ADGRE3: variants seen among roughly 807,000 people sequenced by gnomAD.
The protein encoded by ADGRE3 is adhesion G protein-coupled receptor E3.
ADGRE3 carries 88 observed loss-of-function variants against 80.1 expected under a neutral mutation model. That is an observed-to-expected ratio of 1.10 (90% CI 0.93 to 1.31). The LOEUF (loss-of-function observed/expected upper bound fraction) is 1.31, where lower values mean the gene tolerates loss of function less well. ADGRE3 is among the 40% of genes most tolerant of loss of function. ADGRE3 has a pLI of 0.00. For missense variants in ADGRE3, 715 were observed against 776.5 expected, an observed-to-expected ratio of 0.92 and a Z score of 0.94; for synonymous variants, 281 against 294.8, an observed-to-expected ratio of 0.95 and a Z score of 0.48.
chr19:14,668,609 A>C lies in ADGRE3; in HGVS notation c.76+193T>G, dbSNP rs1599655998. The C allele has an allele frequency of 1.6e-5, 9 of 547,278 alleles. No individual in the cohort carries two copies. The East Asian group carries it at 2.6e-4, about 16-fold the overall frequency. 33.9% of individuals were successfully genotyped at this position (547,278 alleles called of 1,614,324 possible). A position where few individuals can be genotyped will look rare whatever the true frequency, so the allele number is the denominator to read the frequency against. On this transcript the variant is annotated intron_variant, in intron 2 of 15. Coordinates refer to ENST00000253673, the MANE Select transcript of ADGRE3 (RefSeq NM_032571.5). Reference sequence around the variant, plus strand: ...AAAACAGACAAATTAAAAATCAAACAAAACGATAAATAAAAGGCTATCCAT... The same window carrying C: ...AAAACAGACAAATTAAAAATCAAACCAAACGATAAATAAAAGGCTATCCAT...
chr19:14,600,182 C>T, the ADGRE3 span: 43 of 1,613,836 alleles, frequency 2.7e-5, no homozygotes, highest in Non-Finnish European at 3.1e-5. Flanking sequence ...TTGCTGAGCA[C>T]GTGAGTTCTT....
chr19:14,628,690 CA>C, intron 14 of ADGRE3: 12 of 387,356 alleles, frequency 3.1e-5, no homozygotes, highest in East Asian at 8.7e-5. Context: ...ATGTGAGTTG[CA>C]AAAACTGCAA....
rs113091532 is a variant in ADGRE3, at chr19:14,628,625, G to C, written c.1812+1414C>G. 1,273 of 285,898 alleles carry C rather than the reference G, an allele frequency of 4.5e-3. 10 individuals carry two copies. The highest frequency in any genetic ancestry group is 7.1e-3 in the Non-Finnish European group (1,042 of 145,900). 17.7% of individuals were successfully genotyped at this position (285,898 alleles called of 1,614,324 possible). A position where few individuals can be genotyped will look rare whatever the true frequency, so the allele number is the denominator to read the frequency against. On this transcript the variant is annotated intron_variant, in intron 14 of 15. Coordinates refer to ENST00000253673, the MANE Select transcript of ADGRE3 (RefSeq NM_032571.5). ...TTCTCTTTAACGAGGCAGTTAACCTGCAGTACAGTGAAGTTCAAGACCTCA... is the reference window on the plus strand; with the variant it reads ...TTCTCTTTAACGAGGCAGTTAACCTCCAGTACAGTGAAGTTCAAGACCTCA...
At chr19:14,607,483 G>A in the ADGRE3 span, among the ~76,000 whole-genome samples, 716 of 151,828 alleles carry the variant, frequency 4.7e-3, 5 homozygotes, top group African/African-American at 0.015. Context: ...GATTACAGGC[G>A]TGAGCCACCG....
chr19:14,660,000 T>C, intron 4 of ADGRE3, among the ~76,000 whole-genome samples: 1 of 152,084 alleles, frequency 6.6e-6, no homozygotes, highest in South Asian at 2.1e-4. Context: ...TCTTAAGAGT[T>C]CAAGAACTTT....
chr19:14,618,331 T>C (rs1042164566), downstream of ADGRE3, among the ~76,000 whole-genome samples: 1 of 151,902 alleles, frequency 6.6e-6, no homozygotes, highest in East Asian at 1.9e-4. Flanking sequence ...GGCAGGTGGA[T>C]CGCTGCTTGA....
rs1212222350 is a variant in ADGRE3, at chr19:14,624,334, TCTGC to T, written c.1920+1154_1920+1157del. 7.8e-3 allele frequency among the ~76,000 whole-genome samples: 1,187 copies of T among 152,318 alleles called. 16 individuals are homozygous for T. Among genetic ancestry groups the T allele is most frequent in the African/African-American group, 0.028 (1,152 of 41,580 alleles). ...GTCTCGAACTCCCAACCTCAGGTGA[TCTGC>T]CCACCTCGGCCTCCCAAAGTGTTGG... On this transcript the variant is annotated intron_variant, in intron 15 of 15. Transcript: ENST00000253673.
At chr19:14,620,566 ATATTTTTTTTTTTTTTTTTT>A (rs1970570509) in intron 15 of ADGRE3, among the ~76,000 whole-genome samples, 5 of 16,052 alleles carry the variant, frequency 3.1e-4, no homozygotes, top group East Asian at 3.9e-3. Context: ...ATATATATAT[ATATTTTTTTTTTTTTTTTTT>A]TTTTTTTTTT....
Position 14,668,820 on chromosome 19 carries a change from CA to C in ADGRE3, c.57del (p.Val20Ter), listed in dbSNP as rs1972175188. 1.2e-6 allele frequency: 2 copies of C among 1,613,924 alleles called. No individual in the cohort carries two copies. Among genetic ancestry groups the C allele is most frequent in the African/African-American group, 1.3e-5 (1 of 74,860 alleles). On this transcript the variant is annotated frameshift_variant, in exon 2 of 16. Transcript: ENST00000253673. LOFTEE classifies it high-confidence loss of function. ...GLCFLLSLFG[A>X]VTQKTKTSCA... is the part of the protein sequence containing the mutation. ...CACTCACTTTTGGTTTTCTGAGTCA[CA>C]GCTCCAAAGAGGCTCAGCAGAAAGC...
chr19:14,655,572 C>T (rs1971731963), intron 5 of ADGRE3, among the ~76,000 whole-genome samples: 1 of 152,038 alleles, frequency 6.6e-6, no homozygotes, highest in Non-Finnish European at 1.5e-5. Flanking sequence ...TCTCATGCTT[C>T]AGTCTCCTGA....
chr19:14,651,023 C>G, intron 7 of ADGRE3, 62 bp downstream of exon 7: 3 of 1,599,880 alleles, frequency 1.9e-6, no homozygotes, highest in South Asian at 1.1e-5. Context: ...GCTTGTTTCC[C>G]CATGACTCAC....
intron 4 of ADGRE3, among the ~76,000 whole-genome samples, chr19:14,659,737 C>G (rs1174143819): frequency 1.4e-5 from 2 of 139,150 alleles, no homozygotes; most frequent in Non-Finnish European, 3.0e-5. Flanking sequence ...AGGAGAATCT[C>G]TTGAACCTAG....
chr19:14,628,773 TG>T, intron 14 of ADGRE3: 1 of 296,848 alleles, frequency 3.4e-6, no homozygotes, highest in South Asian at 3.3e-5. Flanking sequence ...TGTGTGATCC[TG>T]GAATGTGACC....
chr19:14,662,111 A>G lies in ADGRE3; in HGVS notation c.207T>C (p.Asn69=), dbSNP rs1319243148. ...TFPLETCNDI[N]ECTPPYSVYC... ...ATACACTATAGGGTGGTGTACATTC[A>G]TTAATGTCTGGAACACAAAGAAGCA... Residue 69 remains asparagine, a synonymous_variant, in exon 4 of 16, where the codon AAT becomes AAC. Transcript: ENST00000253673. 9 of 1,613,850 alleles carry G rather than the reference A, an allele frequency of 5.6e-6. No individual in the cohort carries two copies. The highest frequency in any genetic ancestry group is 4.4e-5 in the South Asian group (4 of 91,014).
At chr19:14,636,936 G>A (rs558265938) in intron 11 of ADGRE3, among the ~76,000 whole-genome samples, 4 of 151,894 alleles carry the variant, frequency 2.6e-5, no homozygotes, top group African/African-American at 7.2e-5. Context: ...TCTACTAAAA[G>A]TACAAAAATT....
At chr19:14,610,215 G>A in the ADGRE3 span, 1 of 1,550,616 alleles carries the variant, frequency 6.4e-7, no homozygotes, top group Admixed American at 2.0e-5. Flanking sequence ...GCCGAGGCTG[G>A]GGGTCCATAT....
intron 7 of ADGRE3, among the ~76,000 whole-genome samples, chr19:14,647,779 C>T (rs1038227054): frequency 2.6e-5 from 4 of 151,032 alleles, no homozygotes; most frequent in Admixed American, 6.6e-5. Flanking sequence ...CTGGAGGATT[C>T]GTTTTAACAG....
intron 1 of ADGRE3, 67 bp from the exon 2 acceptor site, chr19:14,668,919 C>A: frequency 6.9e-7 from 1 of 1,451,990 alleles, no homozygotes; most frequent in Non-Finnish European, 9.6e-7. Flanking sequence ...AGAAATGCCC[C>A]AAGGACTGTG....
the ADGRE3 span, among the ~76,000 whole-genome samples, chr19:14,603,597 C>G: frequency 6.6e-6 from 1 of 151,912 alleles, no homozygotes; most frequent in Non-Finnish European, 1.5e-5. Context: ...GTAACTGGGA[C>G]TATAGTCACG....
Sources: gnomAD v4.1 joint callset for allele counts (sites outside exome capture counted in the v4.1 genomes callset) on GRCh38, gnomAD v4.1.1 for gene constraint, MANE v1.5 for transcripts, NCBI Gene and HGNC (gene_info 2026-07-23, HGNC 2026-07-21) for gene names.